The following TNRC6C variants were observed in gnomAD, a reference collection of about 807,000 sequenced individuals.
TNRC6C encodes trinucleotide repeat-containing gene 6C protein.
TNRC6C carries 20 observed loss-of-function variants against 153.7 expected under a neutral mutation model. The observed-to-expected ratio is 0.13, with a 90% confidence interval of 0.09 to 0.19. The LOEUF (loss-of-function observed/expected upper bound fraction) is 0.19, where lower values mean the gene tolerates loss of function less well. Ranked by LOEUF, TNRC6C falls within the 10% of genes least tolerant of loss-of-function variation. The pLI is 1.00. For missense variants in TNRC6C, 1,987 were observed against 2,172.0 expected (o/e 0.91, Z 1.69); for synonymous variants, 811 against 841.4 (o/e 0.96, Z 0.63).
At chr17:77,988,851 G>A (rs1192121381) in intron 1 of TNRC6C, among the ~76,000 whole-genome samples, 1 of 152,182 alleles carries the variant, frequency 6.6e-6, no homozygotes, top group Non-Finnish European at 1.5e-5. Flanking sequence ...GATTTAAAAT[G>A]TAAGAGCCAC....
At chr17:78,029,730 CT>C (rs1237085193) in intron 1 of TNRC6C, among the ~76,000 whole-genome samples, 1 of 151,736 alleles carries the variant, frequency 6.6e-6, no homozygotes, top group Non-Finnish European at 1.5e-5. Context: ...AAATATTTTT[CT>C]TTCTTTATAT....
intron 4 of TNRC6C, among the ~76,000 whole-genome samples, chr17:78,067,346 A>C (rs892151462): frequency 6.6e-6 from 1 of 152,222 alleles, no homozygotes; most frequent in African/African-American, 2.4e-5. Flanking sequence ...GTTTCAAAAA[A>C]AAGAAAAAAA....
chr17:78,007,943 A>G (rs1326627295), intron 1 of TNRC6C, among the ~76,000 whole-genome samples: 3 of 152,258 alleles, frequency 2.0e-5, no homozygotes, highest in African/African-American at 4.8e-5. Flanking sequence ...TCTCAATAAT[A>G]GAAATGCTTT....
At chr17:78,003,956 A>G (rs1048518725), upstream of TNRC6C, among the ~76,000 whole-genome samples, 11 of 152,218 alleles carry the variant, frequency 7.2e-5, no homozygotes, top group Non-Finnish European at 1.0e-4. Context: ...GTGTTCAACA[A>G]TGTGGACTGA....
intron 1 of TNRC6C, among the ~76,000 whole-genome samples, chr17:77,991,292 G>A (rs1441497430): frequency 6.6e-6 from 1 of 152,164 alleles, no homozygotes; most frequent in African/African-American, 2.4e-5. Context: ...ATTTGTATGT[G>A]TATCTGTTTT....
At chr17:77,964,414 G>C (rs565483248) in intron 1 of TNRC6C, among the ~76,000 whole-genome samples, 1 of 152,268 alleles carries the variant, frequency 6.6e-6, no homozygotes, top group South Asian at 2.1e-4. Flanking sequence ...GTCTTTTGAC[G>C]TGGCTAATAC....
At chr17:77,977,919 A>G (rs891355837) in intron 1 of TNRC6C, among the ~76,000 whole-genome samples, 2 of 121,008 alleles carry the variant, frequency 1.7e-5, no homozygotes, top group Non-Finnish European at 3.2e-5. Flanking sequence ...TTTTTGAGGC[A>G]GAGTCTCGCT....
chr17:78,012,489 TA>T (rs2071652843), intron 1 of TNRC6C, among the ~76,000 whole-genome samples: 1 of 151,926 alleles, frequency 6.6e-6, no homozygotes, highest in Admixed American at 6.6e-5. Context: ...CCTCCTAACC[TA>T]AAATAAAGGC....
At chr17:77,973,341 A>T (rs1177372765) in intron 1 of TNRC6C, among the ~76,000 whole-genome samples, 2 of 152,254 alleles carry the variant, frequency 1.3e-5, no homozygotes, top group Non-Finnish European at 2.9e-5. Flanking sequence ...AGCTGCTTCA[A>T]CTTGATAAAA....
intron 6 of TNRC6C, 21 bp downstream of exon 8, chr17:78,071,186 C>G (rs1448044011): frequency 1.3e-6 from 2 of 1,583,100 alleles, no homozygotes; most frequent in Admixed American, 3.6e-5. Flanking sequence ...TCGTAGTTTA[C>G]TGCTACCCAC....
chr17:78,051,141 C>T (rs1166863426), exon 3 of TNRC6C: 12 of 1,575,608 alleles, frequency 7.6e-6, no homozygotes, highest in East Asian at 4.6e-5. Context: ...CAGGGTGGAT[C>T]GGGGGGCCGG....
chr17:78,011,772 A>G (rs915564787), intron 1 of TNRC6C, among the ~76,000 whole-genome samples: 1 of 152,194 alleles, frequency 6.6e-6, no homozygotes, highest in African/African-American at 2.4e-5. Context: ...CTCTTTCCCA[A>G]CGTGTTTATA....
intron 16 of TNRC6C, among the ~76,000 whole-genome samples, 164 bp from the exon 20 acceptor site, chr17:78,098,179 G>C (rs2073523069): frequency 6.6e-6 from 1 of 152,238 alleles, no homozygotes; most frequent in Non-Finnish European, 1.5e-5. Context: ...ACACTTCTGG[G>C]AATTTGTGGT....
intron 1 of TNRC6C, among the ~76,000 whole-genome samples, chr17:77,985,322 C>T (rs1268808865): frequency 6.6e-6 from 1 of 151,956 alleles, no homozygotes; most frequent in African/African-American, 2.4e-5. Flanking sequence ...AGGCTGGGCG[C>T]AGTGGCTCAC....
chr17:78,048,560 G>A (rs921854076), intron 2 of TNRC6C, among the ~76,000 whole-genome samples: 2 of 152,212 alleles, frequency 1.3e-5, no homozygotes, highest in Non-Finnish European at 2.9e-5. Context: ...TACTACAGAT[G>A]CTTTCAGAGA....
chr17:78,064,741 A>G, exon 4 of TNRC6C: 1 of 1,613,634 alleles, frequency 6.2e-7, no homozygotes, highest in Non-Finnish European at 8.5e-7. Context: ...GCTGGGGAGA[A>G]ATGCCTAATG....
chr17:77,999,749 G>C (rs983153012), upstream of TNRC6C, among the ~76,000 whole-genome samples: 9 of 152,196 alleles, frequency 5.9e-5, no homozygotes, highest in South Asian at 2.1e-4. Context: ...GCTGGGTAGC[G>C]ATTGGTATCC....
chr17:78,017,686 A>G (rs1016905186), intron 1 of TNRC6C, among the ~76,000 whole-genome samples: 4 of 152,222 alleles, frequency 2.6e-5, no homozygotes, highest in African/African-American at 9.6e-5. Flanking sequence ...TCTCCCAGCT[A>G]TAGGTCAAGT....
At chr17:78,025,527 T>A (rs1369698158) in intron 1 of TNRC6C, among the ~76,000 whole-genome samples, 2 of 152,214 alleles carry the variant, frequency 1.3e-5, no homozygotes, top group Admixed American at 6.5e-5. Flanking sequence ...TTGACAATTA[T>A]GAATAAAGCT....
Sources: gnomAD v4.1 joint callset for allele counts (sites outside exome capture counted in the v4.1 genomes callset) on GRCh38, gnomAD v4.1.1 for gene constraint, MANE v1.5 for transcripts, NCBI Gene and HGNC (gene_info 2026-07-23, HGNC 2026-07-21) for gene names.